SYTL2: variants seen among roughly 807,000 people sequenced by gnomAD.
The protein encoded by SYTL2 is synaptotagmin like 2.
SYTL2 carries 165 observed loss-of-function variants against 198.7 expected under a neutral mutation model. The ratio of observed to expected loss-of-function variants is 0.83; its 90% CI spans 0.73 to 0.94. The LOEUF is 0.94. Ranked by LOEUF, SYTL2 falls within the 40% of genes least tolerant of loss-of-function variation. The probability of loss-of-function intolerance (pLI) is 0.00; values close to 1 mark genes in which losing one functional copy is unlikely to be tolerated. For synonymous variants in SYTL2, 966 were observed against 917.7 expected, an observed-to-expected ratio of 1.05 and a Z score of -0.95; for missense variants, 2,835 against 2,582.8, an observed-to-expected ratio of 1.10 and a Z score of -2.12.
chr11:85,755,166 G>A (rs1565988976), intron 2 of SYTL2, among the ~76,000 whole-genome samples: 2 of 152,118 alleles, frequency 1.3e-5, no homozygotes, highest in African/African-American at 4.8e-5. Flanking sequence ...ACCATCCGAG[G>A]AGCAGAACAA....
chr11:85,705,317 C>T (rs1314180575), intron 15 of SYTL2: 3 of 235,978 alleles, frequency 1.3e-5, no homozygotes, highest in Non-Finnish European at 1.6e-5. Context: ...TTTCAATTTT[C>T]GCTGAATATT....
intron 6 of SYTL2, among the ~76,000 whole-genome samples, chr11:85,735,804 T>G (rs1488426052): frequency 1.3e-5 from 2 of 151,938 alleles, no homozygotes; most frequent in African/African-American, 4.8e-5. Flanking sequence ...CATGTTCCAG[T>G]GATTTTCTTC....
chr11:85,747,994 G>A (rs2091274380), intron 3 of SYTL2, among the ~76,000 whole-genome samples: 1 of 152,082 alleles, frequency 6.6e-6, no homozygotes, highest in Non-Finnish European at 1.5e-5. Context: ...CAAAGAAGAG[G>A]TGGTAGATCC....
the SYTL2 span, among the ~76,000 whole-genome samples, chr11:85,830,220 CCTAA>C: frequency 6.6e-6 from 1 of 152,100 alleles, no homozygotes; most frequent in East Asian, 1.9e-4. Context: ...TCATTTCATT[CCTAA>C]CTAATTTTAA....
At chr11:85,753,481 C>G (rs780872454) in intron 2 of SYTL2, among the ~76,000 whole-genome samples, 38 of 152,162 alleles carry the variant, frequency 2.5e-4, no homozygotes, top group Non-Finnish European at 2.9e-5. Flanking sequence ...AGAGACACCC[C>G]AGTGACTATT....
chr11:85,700,670 C>T (rs1030442178), intron 16 of SYTL2, 77 bp from the exon 17 acceptor site: 1 of 1,046,832 alleles, frequency 9.6e-7, no homozygotes, highest in Non-Finnish European at 1.5e-6. Flanking sequence ...CATTACAGAA[C>T]CATATCTGTC....
At chr11:85,751,244 T>C (rs191041039) in intron 2 of SYTL2, among the ~76,000 whole-genome samples, 7 of 152,368 alleles carry the variant, frequency 4.6e-5, no homozygotes, top group Non-Finnish European at 1.0e-4. Flanking sequence ...CTTCTTTTTC[T>C]ATCTTAGTCA....
chr11:85,808,223 C>T (rs1301680631), intron 1 of SYTL2, among the ~76,000 whole-genome samples: 4 of 152,050 alleles, frequency 2.6e-5, no homozygotes, highest in South Asian at 4.2e-4. Context: ...CATGCCACCA[C>T]GCGCAGCTAA....
At chr11:85,831,927 T>G in the SYTL2 span, among the ~76,000 whole-genome samples, 1 of 152,226 alleles carries the variant, frequency 6.6e-6, no homozygotes, top group Non-Finnish European at 1.5e-5. Context: ...GAAACCATCA[T>G]GCTGGCTTAT....
the SYTL2 span, among the ~76,000 whole-genome samples, chr11:85,830,759 G>A: frequency 0.016 from 2,378 of 152,286 alleles, 47 homozygotes; most frequent in African/African-American, 0.053. Context: ...AGCATCCCTA[G>A]TGAGATGGAC....
intron 1 of SYTL2, among the ~76,000 whole-genome samples, chr11:85,769,589 G>A: frequency 6.6e-6 from 1 of 152,212 alleles, no homozygotes; most frequent in East Asian, 1.9e-4. Context: ...CATCACAGCA[G>A]TAATAGAAAA....
In SYTL2 at chr11:85,727,797, T is replaced by C; in HGVS notation, c.1561A>G (p.Lys521Glu). The change falls in exon 8 of 20, where the codon AAA becomes GAA. Residue 521 changes from lysine (K) to glutamate (E), a missense_variant. Physicochemically the swap from Lys to Glu is moderately conservative, Grantham distance 56. Coordinates refer to ENST00000359152, the MANE Select transcript of SYTL2 (RefSeq NM_206927.4). The part of the protein sequence containing the change: ...IKKSTDDSIF[K>E]VLDWFNRSSY... ...CTTCGGTTAAACCAGTCTAGAACTTTAAATATGGAATCATCAGTTGACTTC... is the reference window on the plus strand; with the variant it reads ...CTTCGGTTAAACCAGTCTAGAACTTCAAATATGGAATCATCAGTTGACTTC... 1.2e-6 allele frequency: 2 copies of C among 1,600,824 alleles called. No homozygotes were observed.
chr11:85,825,261 G>A, the SYTL2 span, among the ~76,000 whole-genome samples: 1 of 151,122 alleles, frequency 6.6e-6, no homozygotes, highest in East Asian at 1.9e-4. Context: ...AGTGGCGGGC[G>A]CCTGTAGTCC....
At position 85,752,917 on chromosome 11, in the gene SYTL2, TAAAAAAAAAAAAAAAAAA is replaced by T. The variant is rs1162431708; in HGVS notation, c.102-4512_102-4495del. ...GTCCTTCAATGACAACTGCCTTCAT[TAAAAAAAAAAAAAAAAAA>T]AAAAAAAAAAAAAAAACACAACTAG... On this transcript the variant is annotated intron_variant, in intron 2 of 19. Transcript: ENST00000359152. 1.9e-3 allele frequency among the ~76,000 whole-genome samples: 33 copies of T among 17,724 alleles called. No homozygotes were observed. In the East Asian group the frequency reaches 0.06, roughly 32 times the overall value. 11.6% of individuals were successfully genotyped at this position (17,724 alleles called of 152,430 possible).
chr11:85,725,235 G>A lies in SYTL2; in HGVS notation c.4123C>T (p.Gln1375Ter). 1 of 1,614,134 alleles carries A rather than the reference G, an allele frequency of 6.2e-7. No homozygotes were observed. The highest frequency in any genetic ancestry group is 8.5e-7 in the Non-Finnish European group (1 of 1,180,008). Residue 1375 changes from glutamine (Q) to a stop codon, truncating the protein, a stop_gained, in exon 8 of 20, where the codon CAG (glutamine) becomes TAG (stop). Transcript: ENST00000359152. LOFTEE classifies it high-confidence loss of function. ...AACCATACTTCTCCACACAGCTTCT[G>A]TAATGCAGCACTTACATCATTCAAT... ...PVLNDVSAALQKLCGEVWLSY... is the reference protein window; with the variant it reads ...PVLNDVSAAL
At chr11:85,749,700 T>C (rs2153530285) in intron 2 of SYTL2, among the ~76,000 whole-genome samples, 1 of 152,340 alleles carries the variant, frequency 6.6e-6, no homozygotes, top group East Asian at 1.9e-4. Flanking sequence ...TATCATGGTT[T>C]TTATTAAATG....
intron 18 of SYTL2, 34 bp downstream of exon 18, chr11:85,697,945 G>A (rs2083649790): frequency 1.4e-6 from 2 of 1,407,354 alleles, no homozygotes; most frequent in East Asian, 2.3e-5. Flanking sequence ...CCAGGCTACA[G>A]AACTGTTGCA....
At chr11:85,696,101 G>A in intron 19 of SYTL2, 82 bp downstream of exon 19, 1 of 1,138,046 alleles carries the variant, frequency 8.8e-7, no homozygotes, top group East Asian at 2.4e-5. Flanking sequence ...TTTTCACTGG[G>A]AAGAAGCAAA....
chr11:85,705,643 A>G (rs1312166226), intron 15 of SYTL2, among the ~76,000 whole-genome samples: 1 of 152,248 alleles, frequency 6.6e-6, no homozygotes, highest in Non-Finnish European at 1.5e-5. Flanking sequence ...TCTCAAATGT[A>G]GTCAATCTTT....
Sources: allele counts gnomAD v4.1 joint callset (sites outside exome capture counted in the v4.1 genomes callset), GRCh38; gene constraint gnomAD v4.1.1; transcripts MANE v1.5; gene names NCBI Gene and HGNC (gene_info 2026-07-23, HGNC 2026-07-21).